The following ANKRD34B variants were observed in gnomAD, a reference collection of about 807,000 sequenced individuals.
ANKRD34B encodes the protein ankyrin repeat domain-containing protein 34B.
ANKRD34B carries 2 observed loss-of-function variants against 4.4 expected under a neutral mutation model. That is an observed-to-expected ratio of 0.46 (90% CI 0.19 to 1.44). The LOEUF (loss-of-function observed/expected upper bound fraction) is 1.44, where lower values mean the gene tolerates loss of function less well. Ranked by LOEUF, ANKRD34B falls within the 40% of genes most tolerant of loss-of-function variation. The pLI, the probability that ANKRD34B is intolerant of heterozygous loss-of-function variation, is 0.26. For missense variants in ANKRD34B, 558 were observed against 604.7 expected, an observed-to-expected ratio of 0.92 and a Z score of 0.81; for synonymous variants, 226 against 227.1, an observed-to-expected ratio of 0.99 and a Z score of 0.05.
rs529716591 is a variant in ANKRD34B at position 80,559,252 on chromosome 5, C to T, written c.768G>A (p.Met256Ile). Residue 256 changes from methionine to isoleucine, a missense_variant, in exon 5 of 5, where the codon ATG becomes ATA. By Grantham distance (10) the Met-to-Ile change is conservative. Transcript: ENST00000338682. ...GCAATGAAGCCACTCTGTTCTGGTG[C>T]ATTAATAATGGGGGACTCTTGACCC... Reference protein sequence around the residue: ...PPWVKSPPLLMHQNRVASLQE... With the variant: ...PPWVKSPPLLIHQNRVASLQE... 19 of 1,614,164 alleles carry T rather than the reference C, an allele frequency of 1.2e-5. No individual in the cohort carries two copies. In the South Asian group the frequency reaches 2.1e-4, roughly 18 times the overall value.
rs1365981096 is a variant in ANKRD34B, at chr5:80,559,155, G to A, written c.865C>T (p.Arg289Trp). ...YKTNGLALSK[R>W]FITRHQSIDV... ...ATGCTTTGGTGCCTAGTGATGAACC[G>A]CTTGGAAAGTGCCAGCCCATTGGTT... The change falls in exon 5 of 5, where the codon CGG becomes TGG. Residue 289 changes from arginine (R) to tryptophan (W), a missense_variant. Transcript: ENST00000338682. The A allele has an allele frequency of 1.2e-6, 2 of 1,614,168 alleles. No individual in the cohort carries two copies. Among genetic ancestry groups the A allele is most frequent in the Admixed American group, 1.7e-5 (1 of 60,016 alleles).
chr5:80,563,888 T>G (rs1746483374), intron 3 of ANKRD34B, 73 bp from the exon 4 acceptor site: 1 of 152,210 alleles, frequency 6.6e-6, no homozygotes, highest in Admixed American at 6.5e-5. Flanking sequence ...ATAAATGGGC[T>G]TAATAGATCA....
chr5:80,560,083 A>G, intron 4 of ANKRD34B, 41 bp from the exon 5 acceptor site: 1 of 1,167,756 alleles, frequency 8.6e-7, no homozygotes, highest in Non-Finnish European at 1.2e-6. Flanking sequence ...ATTAGCCAGA[A>G]TCAGCATCCC....
chr5:80,561,944 C>A (rs1188938393), intron 4 of ANKRD34B, among the ~76,000 whole-genome samples: 5 of 151,684 alleles, frequency 3.3e-5, no homozygotes. Context: ...TCCTTAAAAC[C>A]AAAGAATTTT....
chr5:80,562,638 G>A (rs1045629340), intron 4 of ANKRD34B, among the ~76,000 whole-genome samples: 1 of 152,156 alleles, frequency 6.6e-6, no homozygotes, highest in Non-Finnish European at 1.5e-5. Context: ...CACCCAGGTC[G>A]TACTTACATT....
chr5:80,565,978 A>G (rs1746552824), intron 3 of ANKRD34B, among the ~76,000 whole-genome samples: 1 of 152,230 alleles, frequency 6.6e-6, no homozygotes, highest in Non-Finnish European at 1.5e-5. Context: ...CTTTAATATC[A>G]CTTGCACCTC....
intron 4 of ANKRD34B, among the ~76,000 whole-genome samples, chr5:80,560,295 C>T (rs1403846377): frequency 1.3e-5 from 2 of 152,090 alleles, no homozygotes; most frequent in African/African-American, 2.4e-5. Flanking sequence ...ATAGTACTTT[C>T]CTAAGTCCCA....
intron 2 of ANKRD34B, 73 bp from the exon 3 acceptor site, chr5:80,566,847 G>A (rs1746580632): frequency 6.6e-6 from 1 of 152,644 alleles, no homozygotes; most frequent in Admixed American, 6.5e-5. Flanking sequence ...CCCATTTGGA[G>A]TCTAGTTTTT....
Position 80,558,881 on chromosome 5 carries a change from G to GTA in ANKRD34B, c.1137_1138dup (p.Thr380IlefsTer13), listed in dbSNP as rs760485775. The GTA allele has an allele frequency of 6.8e-6, 11 of 1,614,124 alleles. No homozygotes were observed. Among genetic ancestry groups the GTA allele is most frequent in the Non-Finnish European group, 9.3e-6 (11 of 1,180,028 alleles). On this transcript the variant is annotated frameshift_variant, in exon 5 of 5. Coordinates refer to ENST00000338682, the MANE Select transcript of ANKRD34B (RefSeq NM_001004441.3). LOFTEE classifies it low-confidence loss of function (END_TRUNC). The stretch of plus-strand genomic sequence containing the variant: ...TTTGCCGTCTTCTGAAGTTGGAGGG[G>GTA]TAAGGCCAGCTGAGAGCTGGGAATC...
At position 80,559,128 on chromosome 5, in the gene ANKRD34B, C is replaced by A. The variant is rs770399217; in HGVS notation, c.892G>T (p.Asp298Tyr). Reference protein sequence around the residue: ...KRFITRHQSIDVKDTAHLLRA... With the variant: ...KRFITRHQSIYVKDTAHLLRA... ...AGCAAATGTGCAGTGTCTTTTACATCAATGCTTTGGTGCCTAGTGATGAAC... is the reference window on the plus strand; with the variant it reads ...AGCAAATGTGCAGTGTCTTTTACATAAATGCTTTGGTGCCTAGTGATGAAC... The change falls in exon 5 of 5, where the codon GAT becomes TAT. Residue 298 changes from aspartate (D) to tyrosine (Y), a missense_variant. Transcript: ENST00000338682. The A allele has an allele frequency of 8.1e-6, 13 of 1,614,084 alleles. No individual in the cohort carries two copies. The Admixed American group carries it at 2.2e-4, about 27-fold the overall frequency.
chr5:80,559,091 TCAAAGGCTCTTAG>T lies in ANKRD34B; in HGVS notation c.916_928del (p.Leu306IlefsTer13). On this transcript the variant is annotated frameshift_variant, in exon 5 of 5. Coordinates refer to ENST00000338682, the MANE Select transcript of ANKRD34B (RefSeq NM_001004441.3). LOFTEE classifies it low-confidence loss of function (END_TRUNC). Reference sequence around the variant, plus strand: ...TGACATCTTCCTTGAGCTGGCCTGATCAAAGGCTCTTAGCAAATGTGCAGTGTCTTTTACATCA... The same window carrying T: ...TGACATCTTCCTTGAGCTGGCCTGATCAAATGTGCAGTGTCTTTTACATCA... The T allele has an allele frequency of 6.2e-7, 1 of 1,614,216 alleles. No homozygotes were observed. The highest frequency in any genetic ancestry group is 8.5e-7 in the Non-Finnish European group (1 of 1,180,032).
rs1281969639 is a variant in ANKRD34B, at chr5:80,558,647, G to T, written c.1373C>A (p.Pro458His). ...GTTGACATTGATATCTGAGATGGGA[G>T]GGTGAGAATTTACATTTAAGGGTGG... ...FLPPLNVNSHPPISDINVNNK... is the reference protein window; with the variant it reads ...FLPPLNVNSHHPISDINVNNK... The change falls in exon 5 of 5, where the codon CCT becomes CAT. Residue 458 changes from proline (P) to histidine (H), a missense_variant. By Grantham distance (77) the Pro-to-His change is moderately conservative (BLOSUM62 -2). Coordinates refer to ENST00000338682, the MANE Select transcript of ANKRD34B (RefSeq NM_001004441.3). 5 of 1,614,182 alleles carry T rather than the reference G, an allele frequency of 3.1e-6. No homozygotes were observed. The highest frequency in any genetic ancestry group is 4.2e-6 in the Non-Finnish European group (5 of 1,180,016).
chr5:80,558,546 T>C lies in ANKRD34B; in HGVS notation c.1474A>G (p.Lys492Glu). Residue 492 changes from lysine to glutamate, a missense_variant, in exon 5 of 5, where the codon AAA (lysine) becomes GAA (glutamate). Coordinates refer to ENST00000338682, the MANE Select transcript of ANKRD34B (RefSeq NM_001004441.3). ...PTVPIFPKEFKSKKMLLRRQS... is the reference protein window; with the variant it reads ...PTVPIFPKEFESKKMLLRRQS... The stretch of plus-strand genomic sequence containing the variant: ...CTCCTTAACAACATTTTCTTACTTT[T>C]GAATTCTTTAGGGAAAATCGGAACT... The C allele has an allele frequency of 6.2e-7, 1 of 1,614,140 alleles. No individual in the cohort carries two copies. The highest frequency in any genetic ancestry group is 8.5e-7 in the Non-Finnish European group (1 of 1,180,026).
intron 4 of ANKRD34B, among the ~76,000 whole-genome samples, chr5:80,563,103 A>T (rs569641030): frequency 1.3e-5 from 2 of 152,342 alleles, no homozygotes; most frequent in East Asian, 3.9e-4. Context: ...CTAAGTTTTT[A>T]AAAAATAAAT....
At chr5:80,563,056 T>C (rs1746451147) in intron 4 of ANKRD34B, among the ~76,000 whole-genome samples, 1 of 149,474 alleles carries the variant, frequency 6.7e-6, no homozygotes, top group African/African-American at 2.4e-5. Flanking sequence ...ACTGGCAATA[T>C]TGTCCTTTCT....
At chr5:80,568,291 T>G (rs1472568011) in intron 2 of ANKRD34B, among the ~76,000 whole-genome samples, 1 of 152,234 alleles carries the variant, frequency 6.6e-6, no homozygotes, top group Non-Finnish European at 1.5e-5. Flanking sequence ...ACTTCCTGTT[T>G]GCTATGGACC....
intron 4 of ANKRD34B, among the ~76,000 whole-genome samples, chr5:80,562,195 C>A (rs911679311): frequency 1.4e-4 from 22 of 151,948 alleles, no homozygotes; most frequent in African/African-American, 5.1e-4. Flanking sequence ...TGTGATCCTA[C>A]CCTGGCATCA....
chr5:80,569,085 C>G lies in ANKRD34B; in HGVS notation c.-316G>C, dbSNP rs1448661217. The G allele has an allele frequency of 1.3e-5, 2 of 152,298 alleles. No homozygotes were observed. Among genetic ancestry groups the G allele is most frequent in the African/African-American group, 4.8e-5 (2 of 41,452 alleles). 9.4% of individuals were successfully genotyped at this position (152,298 alleles called of 1,614,324 possible). ...GCGTTTCCTCAGTTTTTCCTGAGAG[C>G]AGGAGGAAGCGAGCTCAAGGCGCTG... On this transcript the variant is annotated 5_prime_UTR_variant, in exon 2 of 5. Transcript: ENST00000338682.
intron 4 of ANKRD34B, among the ~76,000 whole-genome samples, chr5:80,561,809 C>T (rs539221596): frequency 1.8e-4 from 28 of 152,064 alleles, no homozygotes; most frequent in African/African-American, 3.6e-4. Context: ...CCTAAAATAG[C>T]GGTTATTTAT....
Sources: allele counts gnomAD v4.1 joint callset (sites outside exome capture counted in the v4.1 genomes callset), GRCh38; gene constraint gnomAD v4.1.1; transcripts MANE v1.5; gene names NCBI Gene and HGNC (gene_info 2026-07-23, HGNC 2026-07-21).